The following DNM1 variants were observed in gnomAD, a reference collection of about 807,000 sequenced individuals.
DNM1 encodes dynamin-1.
A neutral mutation model predicts 104.6 loss-of-function variants in DNM1; 29 were observed. The ratio of observed to expected loss-of-function variants is 0.28; its 90% CI spans 0.21 to 0.38. DNM1 has a LOEUF of 0.38. Ranked by LOEUF, DNM1 falls within the 10% of genes least tolerant of loss-of-function variation. DNM1 has a pLI of 1.00. For missense variants in DNM1, 640 were observed against 1,189.4 expected (o/e 0.54, Z 6.79); for synonymous variants, 445 against 475.8 (o/e 0.94, Z 0.84).
chr9:128,238,775 C>T (rs1048872962), intron 11 of DNM1, among the ~76,000 whole-genome samples: 3 of 151,824 alleles, frequency 2.0e-5, no homozygotes, highest in African/African-American at 7.3e-5. Context: ...CCTGCCTCAG[C>T]CTCCCAAGTA....
At chr9:128,239,102 A>T (rs1836199112) in intron 11 of DNM1, among the ~76,000 whole-genome samples, 1 of 151,562 alleles carries the variant, frequency 6.6e-6, no homozygotes, top group South Asian at 2.1e-4. Context: ...GGCTCAATCA[A>T]TCCTCCCTCC....
intron 11 of DNM1, among the ~76,000 whole-genome samples, chr9:128,239,161 C>T (rs1310863317): frequency 6.6e-6 from 1 of 152,076 alleles, no homozygotes; most frequent in Non-Finnish European, 1.5e-5. Flanking sequence ...CCATGCCTAG[C>T]TACCTTTTGT....
Position 128,254,242 on chromosome 9 carries a change from G to A in DNM1, c.2535-412G>A. The A allele has an allele frequency of 1.5e-6, 2 of 1,374,742 alleles. No homozygotes were observed. The highest frequency in any genetic ancestry group is 3.7e-5 in the South Asian group (2 of 53,808). 85.2% of individuals were successfully genotyped at this position (1,374,742 alleles called of 1,614,324 possible). A position where few individuals can be genotyped will look rare whatever the true frequency, so the allele number is the denominator to read the frequency against. On this transcript the variant is annotated intron_variant, in intron 21 of 21. Transcript: ENST00000372923. This position sits in a 1 kb window ranked among gnomAD's most constrained non-coding sequence, Gnocchi z 6.1. ...TCAAGCAGTGTTCTTTCTCTATCAG[G>A]CCTGGTGGCTGTTGCATGGGGCTCC...
chr9:128,251,640 C>CA (rs1829535053), intron 21 of DNM1: 1 of 147,074 alleles, frequency 6.8e-6, no homozygotes, highest in East Asian at 2.1e-4. Flanking sequence ...CAACCACCCC[C>CA]TCCGCGACTT....
rs368475266 is a variant in DNM1, at chr9:128,218,729, A to G, written c.383A>G (p.His128Arg). Residue 128 changes from histidine to arginine, a missense_variant and splice_region_variant, in exon 3 of 22, where the codon CAC (histidine) becomes CGC (arginine). Transcript: ENST00000372923. The surrounding 1 kb of genome is among the most constrained non-coding windows in gnomAD (Gnocchi z 4.8). ...VPINLRVYSP[H>R]VLNLTLVDLP... ...ATCAACCTCCGCGTCTACTCGCCGC[A>G]CGGTGAGGACCCTGGCCCCGCCCTA... is the stretch of plus-strand genomic sequence containing the variant. The G allele has an allele frequency of 6.3e-7, 1 of 1,599,914 alleles. No homozygotes were observed.
Position 128,218,113 on chromosome 9 carries a change from G to A in DNM1, c.162-118G>A. The A allele has an allele frequency of 1.1e-6, 1 of 920,360 alleles. No individual in the cohort carries two copies. Among genetic ancestry groups the A allele is most frequent in the Non-Finnish European group, 1.8e-6 (1 of 550,588 alleles). The allele number at this position is 920,360 out of a possible 1,614,324, so 57.0% of individuals were successfully genotyped here. On this transcript the variant is annotated intron_variant, in intron 1 of 21. Transcript: ENST00000372923. The surrounding 1 kb of genome is among the most constrained non-coding windows in gnomAD (Gnocchi z 4.8). Reference sequence around the variant, plus strand: ...TTACCTGAAGCCCCTGGGCTAAGGAGCGGTGGAGCCAGCACTTTGGAAGGA... The same window carrying A: ...TTACCTGAAGCCCCTGGGCTAAGGAACGGTGGAGCCAGCACTTTGGAAGGA...
chr9:128,221,940 G>A (rs1014397521), intron 6 of DNM1, among the ~76,000 whole-genome samples: 3 of 152,060 alleles, frequency 2.0e-5, no homozygotes, highest in Non-Finnish European at 4.4e-5. Flanking sequence ...AGATTAAATT[G>A]GCCAAAAATC....
chr9:128,226,887 A>T (rs567609981), intron 10 of DNM1, among the ~76,000 whole-genome samples: 1 of 152,208 alleles, frequency 6.6e-6, no homozygotes, highest in South Asian at 2.1e-4. Context: ...CCAGCAGGCT[A>T]AATCAGAGGT....
intron 4 of DNM1, among the ~76,000 whole-genome samples, chr9:128,219,774 C>A (rs957281970): frequency 5.3e-5 from 8 of 152,106 alleles, no homozygotes; most frequent in Admixed American, 1.3e-4. Flanking sequence ...ACCAGCCTGG[C>A]AACAAAGCGA....
In DNM1 at chr9:128,254,049, C is replaced by T; in HGVS notation, c.2535-605C>T. ...ACCTACGAGACCTGCAGCCCCCCGA[C>T]CAGCTGAGGCTCCCCTCTTAGACTT... On this transcript the variant is annotated intron_variant, in intron 21 of 21. Transcript: ENST00000372923. This position sits in a 1 kb window ranked among gnomAD's most constrained non-coding sequence, Gnocchi z 6.1. 8.1e-7 allele frequency: 1 copy of T among 1,236,920 alleles called. No homozygotes were observed. 76.6% of individuals were successfully genotyped at this position (1,236,920 alleles called of 1,614,324 possible). A position where few individuals can be genotyped will look rare whatever the true frequency, so the allele number is the denominator to read the frequency against.
Position 128,242,270 on chromosome 9 carries a change from C to T in DNM1, c.1596C>T (p.Gly532=). ...RKGWLTINNI[G]IMKGGSKEYW... is the part of the protein sequence containing the mutation. Reference sequence around the variant, plus strand: ...GCTGGCTGACTATCAATAATATTGGCATCATGAAAGGGGGCTCCAAGGAGT... The same window carrying T: ...GCTGGCTGACTATCAATAATATTGGTATCATGAAAGGGGGCTCCAAGGAGT... The change falls in exon 15 of 22, where the codon GGC becomes GGT. Residue 532 remains glycine (G), a synonymous_variant. Coordinates refer to ENST00000372923, the MANE Select transcript of DNM1 (RefSeq NM_004408.4). 6.2e-7 allele frequency: 1 copy of T among 1,612,808 alleles called. No homozygotes were observed. Among genetic ancestry groups the T allele is most frequent in the Non-Finnish European group, 8.5e-7 (1 of 1,178,800 alleles).
At chr9:128,230,193 G>C (rs1202020644) in intron 10 of DNM1, among the ~76,000 whole-genome samples, 3 of 149,684 alleles carry the variant, frequency 2.0e-5, no homozygotes, top group African/African-American at 7.4e-5. Flanking sequence ...CTCCAGCCTG[G>C]GTGACAGATC....
At chr9:128,246,184 T>C (rs749037508) in intron 15 of DNM1, among the ~76,000 whole-genome samples, 18 of 152,060 alleles carry the variant, frequency 1.2e-4, no homozygotes, top group Non-Finnish European at 2.1e-4. Context: ...GCCCCCGGCA[T>C]ATATGCAGAG....
Position 128,254,588 on chromosome 9 carries a change from T to C in DNM1, c.2535-66T>C, listed in dbSNP as rs1274040826. On this transcript the variant is annotated intron_variant, in intron 21 of 21. Transcript: ENST00000372923. The surrounding 1 kb of genome is among the most constrained non-coding windows in gnomAD (Gnocchi z 6.1). ...GGCCGGCCCCGGCCGTGTGCTGCGC[T>C]TGCCTTACCAGCTCTCTCCTCGCTT... 1 of 1,541,940 alleles carries C rather than the reference T, an allele frequency of 6.5e-7. No individual in the cohort carries two copies. The highest frequency in any genetic ancestry group is 8.7e-7 in the Non-Finnish European group (1 of 1,145,582).
chr9:128,254,425 C>A lies in DNM1; in HGVS notation c.2535-229C>A. On this transcript the variant is annotated intron_variant, in intron 21 of 21. Transcript: ENST00000372923. The surrounding 1 kb of genome is among the most constrained non-coding windows in gnomAD (Gnocchi z 6.1). ...TGTGGGGTGGGGAGGGCCGCCACAG[C>A]CCCCAGGCGCTATCTGTGAAGCTAC... is the stretch of plus-strand genomic sequence containing the variant. 4 of 1,435,908 alleles carry A rather than the reference C, an allele frequency of 2.8e-6. No homozygotes were observed. The South Asian group carries it at 4.5e-5, about 16-fold the overall frequency. The allele number at this position is 1,435,908 out of a possible 1,614,324, so 88.9% of individuals were successfully genotyped here.
chr9:128,253,265 T>G lies in DNM1; in HGVS notation c.2535-1389T>G. 6.0e-6 allele frequency: 5 copies of G among 839,830 alleles called. No homozygotes were observed. The highest frequency in any genetic ancestry group is 1.5e-5 in the South Asian group (1 of 65,468). 52.0% of individuals were successfully genotyped at this position (839,830 alleles called of 1,614,324 possible). A position where few individuals can be genotyped will look rare whatever the true frequency, so the allele number is the denominator to read the frequency against. The stretch of plus-strand genomic sequence containing the variant: ...CCCCTCCCTTCTGCAGCTGCAGACT[T>G]GCTCTTTCCTCTTTCTGTCCTTGTG... On this transcript the variant is annotated intron_variant, in intron 21 of 21. Coordinates refer to ENST00000372923, the MANE Select transcript of DNM1 (RefSeq NM_004408.4). This position sits in a 1 kb window ranked among gnomAD's most constrained non-coding sequence, Gnocchi z 5.9.
intron 21 of DNM1, chr9:128,252,980 G>T: frequency 2.2e-6 from 2 of 913,190 alleles, no homozygotes; most frequent in Non-Finnish European, 3.6e-6. Context: ...GTGCATGTGG[G>T]CCATGGGGCC....
chr9:128,220,723 T>A lies in DNM1; in HGVS notation c.849+382T>A, dbSNP rs1486701242. The stretch of plus-strand genomic sequence containing the variant: ...CCATCTGGAATGGGGCATCCAGAAC[T>A]GAAGTGCGCGCGCGCGCGCGTGTGT... On this transcript the variant is annotated intron_variant, in intron 6 of 21. Coordinates refer to ENST00000372923, the MANE Select transcript of DNM1 (RefSeq NM_004408.4). The surrounding 1 kb of genome is among the most constrained non-coding windows in gnomAD (Gnocchi z 5.2). 2.7e-5 allele frequency among the ~76,000 whole-genome samples: 2 copies of A among 73,178 alleles called. No individual in the cohort carries two copies. Among genetic ancestry groups the A allele is most frequent in the Admixed American group, 1.6e-4 (1 of 6,098 alleles). The allele number at this position is 73,178 out of a possible 152,430, so 48.0% of individuals were successfully genotyped here. A position where few individuals can be genotyped will look rare whatever the true frequency, so the allele number is the denominator to read the frequency against.
Position 128,254,936 on chromosome 9 carries a change from A to G in DNM1, c.*222A>G, listed in dbSNP as rs928495873. 3 of 509,094 alleles carry G rather than the reference A, an allele frequency of 5.9e-6. No homozygotes were observed. In the Admixed American group the frequency reaches 1.1e-4, roughly 19 times the overall value. 31.5% of individuals were successfully genotyped at this position (509,094 alleles called of 1,614,324 possible). A position where few individuals can be genotyped will look rare whatever the true frequency, so the allele number is the denominator to read the frequency against. On this transcript the variant is annotated 3_prime_UTR_variant, in exon 22 of 22. Transcript: ENST00000372923. The surrounding 1 kb of genome is among the most constrained non-coding windows in gnomAD (Gnocchi z 6.1). ...GTTCTATAAATATCTATAAATACTC[A>G]TATATATACACACCTACACATGGCC...
Sources: gnomAD v4.1 joint callset for allele counts (sites outside exome capture counted in the v4.1 genomes callset) on GRCh38, gnomAD v4.1.1 for gene constraint, Gnocchi (gnomAD v3.1) non-coding constraint, MANE v1.5 for transcripts, NCBI Gene and HGNC (gene_info 2026-07-23, HGNC 2026-07-21) for gene names.